Variants in SHE observed in about 807,000 individuals in gnomAD.
SHE encodes SH2 domain-containing adapter protein E.
SHE carries 11 observed loss-of-function variants against 49.8 expected under a neutral mutation model. That is an observed-to-expected ratio of 0.22 (90% CI 0.14 to 0.37). The LOEUF (loss-of-function observed/expected upper bound fraction) is 0.37. SHE is among the 10% of genes least tolerant of loss of function. The pLI is 1.00. For synonymous variants in SHE, 310 were observed against 278.1 expected, an observed-to-expected ratio of 1.11 and a Z score of -1.14; for missense variants, 624 against 655.5, an observed-to-expected ratio of 0.95 and a Z score of 0.52.
At chr1:154,470,377 A>G in intron 1 of SHE, 1 of 1,289,226 alleles carries the variant, frequency 7.8e-7, no homozygotes, top group Non-Finnish European at 1.0e-6. Flanking sequence ...AGAGGATGGC[A>G]AGGAATATGC....
At chr1:154,471,512 T>G (rs186534007) in intron 1 of SHE, among the ~76,000 whole-genome samples, 71 of 152,082 alleles carry the variant, frequency 4.7e-4, no homozygotes, top group African/African-American at 1.5e-3. Context: ...AGTTCAAGGT[T>G]ATAGTGAGCC....
chr1:154,471,308 C>A (rs1312465878), intron 1 of SHE, among the ~76,000 whole-genome samples: 1 of 151,968 alleles, frequency 6.6e-6, no homozygotes, highest in Non-Finnish European at 1.5e-5. Context: ...TTGCTCGAGG[C>A]CATAAGTTCA....
At chr1:154,487,534 C>T (rs1229357070) in intron 3 of SHE, among the ~76,000 whole-genome samples, 2 of 151,748 alleles carry the variant, frequency 1.3e-5, no homozygotes, top group East Asian at 2.0e-4. Context: ...AGCAGGTACC[C>T]GAGATGACAA....
At position 154,484,167 on chromosome 1, in the gene SHE, C is replaced by T. The variant is rs571798096; in HGVS notation, c.1470G>A (p.Val490=). Residue 490 remains valine, a synonymous_variant, in exon 6 of 6, where the codon GTG becomes GTA. Transcript: ENST00000304760. The stretch of plus-strand genomic sequence containing the variant: ...CTGAATCTTAGTGAAGCTTGCTGTG[C>T]ACTGGGTAGAGTAAAGTCATGTGTT... ...GAEHMTLLYP[V]HSKLH is the part of the protein sequence containing the mutation. The T allele has an allele frequency of 2.7e-5, 44 of 1,613,966 alleles. No individual in the cohort carries two copies. In the South Asian group the frequency reaches 3.0e-4, roughly 11 times the overall value.
chr1:154,499,379 G>T (rs1269103800), intron 1 of SHE, 141 bp from the exon 2 acceptor site: 11 of 884,636 alleles, frequency 1.2e-5, no homozygotes, highest in Admixed American at 3.0e-5. Flanking sequence ...TTTTGCACTT[G>T]ATCATGTGTC....
Position 154,489,254 on chromosome 1 carries a change from GC to G in SHE, c.820del (p.Ala274ProfsTer84). On this transcript the variant is annotated frameshift_variant, in exon 3 of 6. Coordinates refer to ENST00000304760, the MANE Select transcript of SHE (RefSeq NM_001010846.3). LOFTEE classifies it high-confidence loss of function. ...GAGGTCCTTGGAACTCCGTCTTTTG[GC>G]CAAGGTCTCTGATTTCAGGCCACCG... ...ADGGLKSETL[A>X]KRRSSKDLLG... 6.2e-7 allele frequency: 1 copy of G among 1,614,148 alleles called. No homozygotes were observed. Among genetic ancestry groups the G allele is most frequent in the South Asian group, 1.1e-5 (1 of 91,084 alleles).
chr1:154,481,707 A>G lies in SHE; in HGVS notation c.*2442T>C, dbSNP rs1226524846. On this transcript the variant is annotated 3_prime_UTR_variant, in exon 6 of 6. Coordinates refer to ENST00000304760, the MANE Select transcript of SHE (RefSeq NM_001010846.3). ...AACTAAAAATAAGTTTAACACAATG[A>G]ATAATTTGTATAAAGATAATAAATA... 1 of 958,876 alleles carries G rather than the reference A, an allele frequency of 1.0e-6. No individual in the cohort carries two copies. Among genetic ancestry groups the G allele is most frequent in the Non-Finnish European group, 1.2e-6 (1 of 805,778 alleles). 59.4% of individuals were successfully genotyped at this position (958,876 alleles called of 1,614,324 possible). A position where few individuals can be genotyped will look rare whatever the true frequency, so the allele number is the denominator to read the frequency against.
rs181819243 is a variant in SHE, at chr1:154,471,336, A to C, written c.103-974T>G. ...TAAGTTCAAGACCAGCCTGGTGCACATAGCATGACCCTATCTCTAAATAAG... is the reference window on the plus strand; with the variant it reads ...TAAGTTCAAGACCAGCCTGGTGCACCTAGCATGACCCTATCTCTAAATAAG... On this transcript the variant is annotated intron_variant, in intron 1 of 1. Transcript: ENST00000486773. Among the ~76,000 whole-genome samples the C allele has an allele frequency of 4.7e-3, 709 of 152,284 alleles. 3 individuals are homozygous for C. Among genetic ancestry groups the C allele is most frequent in the Non-Finnish European group, 6.1e-3 (412 of 68,014 alleles).
chr1:154,484,414 C>A (rs1263247778), intron 5 of SHE, 79 bp from the exon 6 acceptor site: 12 of 1,243,962 alleles, frequency 9.6e-6, no homozygotes, highest in African/African-American at 1.5e-5. Context: ...CAGCCAGATT[C>A]ACACTAGGTT....
In SHE at chr1:154,486,655, G is replaced by T. The variant is rs749759484; in HGVS notation, c.1053C>A (p.Ser351=). 33 of 1,614,150 alleles carry T rather than the reference G, an allele frequency of 2.0e-5. No homozygotes were observed. Among genetic ancestry groups the T allele is most frequent in the Middle Eastern group, 3.3e-4 (2 of 6,062 alleles). The change falls in exon 4 of 6, where the codon TCC becomes TCA. Residue 351 remains serine, a synonymous_variant. Coordinates refer to ENST00000304760, the MANE Select transcript of SHE (RefSeq NM_001010846.3). The part of the protein sequence containing the change: ...SVQFEGAERP[S]FREETVRQHH... ...GCTGCCTCACTGTCTCCTCCCTGAA[G>T]GAAGGTCGCTCAGCTCCTTCAAACT... is the stretch of plus-strand genomic sequence containing the variant.
In SHE at chr1:154,489,096, GCTCGTA is replaced by G; in HGVS notation, c.973_978del (p.Tyr325_Glu326del). On this transcript the variant is annotated inframe_deletion, in exon 3 of 6. Transcript: ENST00000304760. Reference sequence around the variant, plus strand: ...TGCTCCTTCTTCCACTCCCATGGCTGCTCGTACTCTGCCGCGGGCCTCTCGTCGTTC... The same window carrying G: ...TGCTCCTTCTTCCACTCCCATGGCTGCTCTGCCGCGGGCCTCTCGTCGTTC... 6.2e-7 allele frequency: 1 copy of G among 1,610,698 alleles called. No homozygotes were observed. The highest frequency in any genetic ancestry group is 8.5e-7 in the Non-Finnish European group (1 of 1,177,818).
Position 154,499,186 on chromosome 1 carries a change from C to T in SHE, c.644G>A (p.Gly215Asp), listed in dbSNP as rs200578712. 1.2e-6 allele frequency: 2 copies of T among 1,614,160 alleles called. No homozygotes were observed. Among genetic ancestry groups the T allele is most frequent in the Non-Finnish European group, 1.7e-6 (2 of 1,180,020 alleles). Reference sequence around the variant, plus strand: ...TCCGACTCTCTCTGCATCCCTTTGACCCTTTGTCCGTTTGGCATCATAAGG... The same window carrying T: ...TCCGACTCTCTCTGCATCCCTTTGATCCTTTGTCCGTTTGGCATCATAAGG... ...ADPYDAKRTKGQRDAERVGEN... is the reference protein window; with the variant it reads ...ADPYDAKRTKDQRDAERVGEN... Residue 215 changes from glycine to aspartate, a missense_variant, in exon 2 of 6, where the codon GGT (glycine) becomes GAT (aspartate). Gly to Asp is a moderately conservative substitution (Grantham distance 94). Around this residue, in one of 4 missense-constraint regions of SHE, gnomAD observed 337 missense variants for 306.0 expected, o/e 1.10. Transcript: ENST00000304760.
chr1:154,474,383 G>T (rs1691825554), intron 1 of SHE, among the ~76,000 whole-genome samples: 1 of 152,196 alleles, frequency 6.6e-6, no homozygotes, highest in African/African-American at 2.4e-5. Context: ...ACCAAATCAA[G>T]CCACTTCCCC....
rs756503565 is a variant in SHE, at chr1:154,480,936, CAAG to C, written c.*3210_*3212del. 10 of 985,234 alleles carry C rather than the reference CAAG, an allele frequency of 1.0e-5. No individual in the cohort carries two copies. The highest frequency in any genetic ancestry group is 9.4e-5 in the South Asian group (2 of 21,278). 61.0% of individuals were successfully genotyped at this position (985,234 alleles called of 1,614,324 possible). On this transcript the variant is annotated 3_prime_UTR_variant, in exon 6 of 6. Coordinates refer to ENST00000304760, the MANE Select transcript of SHE (RefSeq NM_001010846.3). Reference sequence around the variant, plus strand: ...GTATTTTTTTTAAAGAAGGTGTGATCAAGAAGAACACTGACACAGCTCTATGGA... The same window carrying C: ...GTATTTTTTTTAAAGAAGGTGTGATCAAGAACACTGACACAGCTCTATGGA...
intron 1 of SHE, among the ~76,000 whole-genome samples, chr1:154,470,994 A>T (rs1176457685): frequency 6.7e-6 from 1 of 150,254 alleles, no homozygotes; most frequent in African/African-American, 2.5e-5. Context: ...TGGGTGACAA[A>T]GAGTGAGTGA....
intron 2 of SHE, among the ~76,000 whole-genome samples, chr1:154,492,980 C>T (rs541879656): frequency 2.0e-5 from 3 of 152,292 alleles, no homozygotes; most frequent in Non-Finnish European, 2.9e-5. Context: ...GTGTTCCTAC[C>T]GGGCCTTCCA....
rs1215378914 is a variant in SHE, at chr1:154,494,607, C to A, written c.718+4505G>T. Among the ~76,000 whole-genome samples, 3 of 150,728 alleles carry A rather than the reference C, an allele frequency of 2.0e-5. No individual in the cohort carries two copies. The East Asian group carries it at 5.9e-4, about 29-fold the overall frequency. On this transcript the variant is annotated intron_variant, in intron 2 of 5. Transcript: ENST00000304760. ...GACTATTTAAACAAACCAACAAAAT[C>A]ATTTGGAAGTAAAAATAAAATTTTA...
At chr1:154,471,563 C>G (rs939284593) in intron 1 of SHE, among the ~76,000 whole-genome samples, 1 of 152,108 alleles carries the variant, frequency 6.6e-6, no homozygotes, top group South Asian at 2.1e-4. Context: ...GACAGCAAGA[C>G]CTTGTCTCAA....
chr1:154,478,990 T>G (rs975876893), downstream of SHE, among the ~76,000 whole-genome samples: 1 of 152,212 alleles, frequency 6.6e-6, no homozygotes, highest in Non-Finnish European at 1.5e-5. Flanking sequence ...TGAATTTATT[T>G]GTGCATTTCC....
Sources: gnomAD v4.1 joint callset for allele counts (sites outside exome capture counted in the v4.1 genomes callset) on GRCh38, gnomAD v4.1.1 for gene constraint, gnomAD v4.1.1 regional missense constraint, MANE v1.5 for transcripts, NCBI Gene and HGNC (gene_info 2026-07-23, HGNC 2026-07-21) for gene names.